The following PIK3R3 variants were observed in gnomAD, a reference collection of about 807,000 sequenced individuals.
PIK3R3 encodes the protein phosphatidylinositol 3-kinase regulatory subunit gamma.
Under a neutral mutation model 62.9 loss-of-function variants are expected in PIK3R3, and 64 were observed. The ratio of observed to expected loss-of-function variants is 1.02; its 90% confidence interval spans 0.83 to 1.25. The LOEUF is 1.25. Ranked by LOEUF, PIK3R3 falls within the 50% of genes most tolerant of loss-of-function variation. PIK3R3 has a pLI of 0.00. For synonymous variants in PIK3R3, 165 were observed against 189.0 expected, an observed-to-expected ratio of 0.87 and a Z score of 1.04; for missense variants, 614 against 561.6, an observed-to-expected ratio of 1.09 and a Z score of -0.94.
chr1:46,108,120 C>G (rs1262065386), intron 1 of PIK3R3, among the ~76,000 whole-genome samples: 1 of 152,172 alleles, frequency 6.6e-6, no homozygotes, highest in Non-Finnish European at 1.5e-5. Flanking sequence ...TTGAATATTA[C>G]AGTTATTACT....
chr1:46,165,080 G>A, the PIK3R3 span, among the ~76,000 whole-genome samples: 19 of 151,946 alleles, frequency 1.3e-4, no homozygotes, highest in East Asian at 3.9e-4. Flanking sequence ...TCAGTCTCCC[G>A]AGTAACTTCC....
At chr1:46,116,267 T>C (rs1489928884) in intron 1 of PIK3R3, among the ~76,000 whole-genome samples, 2 of 152,044 alleles carry the variant, frequency 1.3e-5, no homozygotes, top group Non-Finnish European at 2.9e-5. Context: ...TCCCACTGCT[T>C]TGGGAGCCTG....
chr1:46,120,198 A>T (rs1165878656), intron 1 of PIK3R3, among the ~76,000 whole-genome samples: 2 of 152,190 alleles, frequency 1.3e-5, no homozygotes, highest in African/African-American at 2.4e-5. Flanking sequence ...TAGCTTCCTC[A>T]TCTTCTAGTA....
chr1:46,124,751 G>A (rs927317754), intron 1 of PIK3R3, among the ~76,000 whole-genome samples: 12 of 135,184 alleles, frequency 8.9e-5, no homozygotes, highest in East Asian at 4.6e-4. Context: ...AGCCGAGCTC[G>A]CACCATTGCA....
the PIK3R3 span, among the ~76,000 whole-genome samples, chr1:46,172,524 C>T: frequency 6.6e-6 from 1 of 151,592 alleles, no homozygotes; most frequent in African/African-American, 2.4e-5. Context: ...CCTGTTTCTA[C>T]AAAAAAAATG....
intron 1 of PIK3R3, among the ~76,000 whole-genome samples, chr1:46,103,477 C>T (rs916618992): frequency 2.0e-5 from 3 of 151,664 alleles, no homozygotes; most frequent in Non-Finnish European, 2.9e-5. Flanking sequence ...GGCTGAGGCA[C>T]GAGAATTGTT....
At chr1:46,073,722 C>A (rs1243711497) in intron 3 of PIK3R3, among the ~76,000 whole-genome samples, 5 of 151,760 alleles carry the variant, frequency 3.3e-5, no homozygotes, top group Non-Finnish European at 7.4e-5. Context: ...CAGGTTCAAG[C>A]GATTCCTCTG....
At chr1:46,128,245 G>A (rs143756280) in intron 1 of PIK3R3, among the ~76,000 whole-genome samples, 2 of 152,206 alleles carry the variant, frequency 1.3e-5, no homozygotes, top group South Asian at 2.1e-4. Context: ...GACCAGCCTG[G>A]CCAACATGGC....
At chr1:46,170,825 C>T in the PIK3R3 span, among the ~76,000 whole-genome samples, 3 of 152,360 alleles carry the variant, frequency 2.0e-5, no homozygotes, top group African/African-American at 7.2e-5. Flanking sequence ...GTTTAGACAG[C>T]CACCTGAATG....
Position 46,077,569 on chromosome 1 carries a change from A to T in PIK3R3, c.260T>A (p.Phe87Tyr), listed in dbSNP as rs200727302. Residue 87 changes from phenylalanine to tyrosine, a missense_variant, in exon 3 of 10, where the codon TTC becomes TAC. By Grantham distance (22) the Phe-to-Tyr change is conservative. Coordinates refer to ENST00000262741, the MANE Select transcript of PIK3R3 (RefSeq NM_003629.4). ...DKLRDMPDGT[F>Y]LVRDASTKMQ... ...TTTTGTTGAGGCATCTCGGACCAAG[A>T]AGGTCCCATCTGGCATATCCCGCAA... 5.0e-6 allele frequency: 8 copies of T among 1,612,592 alleles called. No homozygotes were observed. The highest frequency in any genetic ancestry group is 6.8e-6 in the Non-Finnish European group (8 of 1,178,618).
At chr1:46,087,892 C>A (rs1651239837) in intron 1 of PIK3R3, among the ~76,000 whole-genome samples, 2 of 152,134 alleles carry the variant, frequency 1.3e-5, no homozygotes, top group Non-Finnish European at 2.9e-5. Context: ...CTACATGAGG[C>A]TACTAAAGTG....
At chr1:46,105,848 AAAAT>A (rs1377549662) in intron 1 of PIK3R3, among the ~76,000 whole-genome samples, 1 of 152,176 alleles carries the variant, frequency 6.6e-6, no homozygotes, top group African/African-American at 2.4e-5. Flanking sequence ...CCGCCTCAAA[AAAAT>A]AAATTAATTA....
chr1:46,115,392 A>G (rs893262816), intron 1 of PIK3R3, among the ~76,000 whole-genome samples: 1 of 152,242 alleles, frequency 6.6e-6, no homozygotes, highest in Non-Finnish European at 1.5e-5. Context: ...ATGTACTCTT[A>G]AACACCATAG....
chr1:46,114,771 AT>A lies in PIK3R3; in HGVS notation c.106+17075del, dbSNP rs60059325. On this transcript the variant is annotated intron_variant, in intron 1 of 9. Coordinates refer to ENST00000262741, the MANE Select transcript of PIK3R3 (RefSeq NM_003629.4). ...AGGCATACACCACCAAGCCTCACTA[AT>A]TTTTTTTTTTTTTTTTTTTTTTGGT... is the stretch of plus-strand genomic sequence containing the variant. Among the ~76,000 whole-genome samples the A allele has an allele frequency of 8.1e-3, 808 of 99,304 alleles. 9 individuals are homozygous for A. Among genetic ancestry groups the A allele is most frequent in the South Asian group, 0.037 (107 of 2,922 alleles). The allele number at this position is 99,304 out of a possible 152,430, so 65.1% of individuals were successfully genotyped here. A position where few individuals can be genotyped will look rare whatever the true frequency, so the allele number is the denominator to read the frequency against.
intron 1 of PIK3R3, among the ~76,000 whole-genome samples, chr1:46,098,849 C>T (rs766884511): frequency 1.8e-4 from 27 of 147,152 alleles, no homozygotes; most frequent in Non-Finnish European, 3.1e-4. Context: ...TACAGGCACA[C>T]GACACCATGC....
chr1:46,128,810 G>A (rs1259078257), intron 1 of PIK3R3, among the ~76,000 whole-genome samples: 3 of 152,172 alleles, frequency 2.0e-5, no homozygotes, highest in African/African-American at 7.2e-5. Context: ...GCCAGGCGCG[G>A]GGTCTCACGC....
At position 46,046,583 on chromosome 1, in the gene PIK3R3, G is replaced by A; in HGVS notation, c.984C>T (p.Val328=). 1 of 1,613,496 alleles carries A rather than the reference G, an allele frequency of 6.2e-7. No individual in the cohort carries two copies. Among genetic ancestry groups the A allele is most frequent in the Non-Finnish European group, 8.5e-7 (1 of 1,179,418 alleles). Reference sequence around the variant, plus strand: ...CATCCTCATTCTTAATTCCCAGCCAGACATTCAGGCGTTTCTGTCTCACTC... The same window carrying A: ...CATCCTCATTCTTAATTCCCAGCCAAACATTCAGGCGTTTCTGTCTCACTC... ...HKGVRQKRLN[V]WLGIKNEDAD... is the part of the protein sequence containing the mutation. Residue 328 remains valine (V), a synonymous_variant, in exon 8 of 10, where the codon GTC becomes GTT. Coordinates refer to ENST00000262741, the MANE Select transcript of PIK3R3 (RefSeq NM_003629.4).
At chr1:46,125,595 A>G (rs1170632357) in intron 1 of PIK3R3, among the ~76,000 whole-genome samples, 1 of 152,156 alleles carries the variant, frequency 6.6e-6, no homozygotes, top group East Asian at 1.9e-4. Context: ...CTTAATCTAA[A>G]TTGTGCCAGG....
intron 1 of PIK3R3, among the ~76,000 whole-genome samples, chr1:46,119,707 CA>C (rs1469393482): frequency 2.6e-5 from 4 of 151,668 alleles, no homozygotes; most frequent in African/African-American, 9.7e-5. Flanking sequence ...TGGTCTCAAG[CA>C]AAACTCCACC....
Sources: gnomAD v4.1 joint callset for allele counts (sites outside exome capture counted in the v4.1 genomes callset) on GRCh38, gnomAD v4.1.1 for gene constraint, MANE v1.5 for transcripts, NCBI Gene and HGNC (gene_info 2026-07-23, HGNC 2026-07-21) for gene names.